The following FANCD2 variants were observed in gnomAD, a reference collection of about 807,000 sequenced individuals.
FANCD2 encodes the protein Fanconi anemia group D2 protein.
A neutral mutation model predicts 192.3 loss-of-function variants in FANCD2; 131 were observed. That is an observed-to-expected ratio of 0.68 (90% confidence interval 0.59 to 0.79). The LOEUF is 0.79. Ranked by LOEUF, FANCD2 falls within the 30% of genes least tolerant of loss-of-function variation. The pLI is 0.00. For synonymous variants in FANCD2, 524 were observed against 612.5 expected, an observed-to-expected ratio of 0.86 and a Z score of 2.13; for missense variants, 1,508 against 1,701.6, an observed-to-expected ratio of 0.89 and a Z score of 2.00.
intron 11 of FANCD2, 138 bp from the exon 12 acceptor site, chr3:10,042,912 A>G: frequency 1.2e-6 from 1 of 843,220 alleles, no homozygotes; most frequent in East Asian, 2.6e-5. Context: ...TATTCTCATA[A>G]CTCTATTTTT....
At chr3:10,044,765 C>T (rs1208460178) in intron 14 of FANCD2, among the ~76,000 whole-genome samples, 1 of 152,158 alleles carries the variant, frequency 6.6e-6, no homozygotes, top group Non-Finnish European at 1.5e-5. Context: ...AGAATTTTTT[C>T]TGGTGAAAAA....
rs112958263 is a variant in FANCD2, at chr3:10,077,717, G to A, written c.2860-364G>A. Among the ~76,000 whole-genome samples the A allele has an allele frequency of 9.4e-3, 1,422 of 151,850 alleles. 29 individuals are homozygous for A. Among genetic ancestry groups the A allele is most frequent in the African/African-American group, 0.032 (1,330 of 41,410 alleles). On this transcript the variant is annotated intron_variant, in intron 29 of 43. Transcript: ENST00000675286. The stretch of plus-strand genomic sequence containing the variant: ...AGCCTGGGCAACAAAGTGAGACCCC[G>A]TCTGTATAAAAAAATTTAAAAATTC...
At chr3:10,060,489 A>G in intron 19 of FANCD2, 86 bp downstream of exon 19, 3 of 1,014,270 alleles carry the variant, frequency 3.0e-6, no homozygotes, top group Non-Finnish European at 4.6e-6. Context: ...TCATTTTAGC[A>G]GTAGAAGTTA....
At chr3:10,041,836 ATC>A (rs1383580539) in intron 10 of FANCD2, 126 bp downstream of exon 10, 7 of 670,390 alleles carry the variant, frequency 1.0e-5, no homozygotes, top group East Asian at 2.8e-5. Flanking sequence ...CACATTTGAT[ATC>A]TCTCTTTTTT....
At chr3:10,059,625 A>G (rs561781834) in intron 18 of FANCD2, among the ~76,000 whole-genome samples, 1 of 151,754 alleles carries the variant, frequency 6.6e-6, no homozygotes, top group African/African-American at 2.4e-5. Context: ...ACATGGTGAA[A>G]CCCCGTCTCT....
At chr3:10,027,617 T>A (rs1310017025) in intron 1 of FANCD2, among the ~76,000 whole-genome samples, 1 of 152,036 alleles carries the variant, frequency 6.6e-6, no homozygotes, top group Admixed American at 6.6e-5. Flanking sequence ...AAAAATCACT[T>A]CTTCAGGCCG....
rs765677370 is a variant in FANCD2 at position 10,078,125 on chromosome 3, G to A, written c.2904G>A (p.Leu968=). 6.2e-7 allele frequency: 1 copy of A among 1,613,802 alleles called. No individual in the cohort carries two copies. The highest frequency in any genetic ancestry group is 1.3e-5 in the African/African-American group (1 of 74,918). Residue 968 remains leucine (L), a synonymous_variant, in exon 30 of 44, where the codon TTG becomes TTA. Coordinates refer to ENST00000675286, the MANE Select transcript of FANCD2 (RefSeq NM_001018115.3). ...TTGGGCCCCCTGAGCTGCTTTTCTT[G>A]CTGGAAGATCTCTCCCAGAAGCTGG... ...VQLGPPELLF[L]LEDLSQKLES...
intron 29 of FANCD2, among the ~76,000 whole-genome samples, chr3:10,076,498 C>T (rs1176161905): frequency 2.0e-5 from 3 of 152,082 alleles, no homozygotes; most frequent in African/African-American, 7.2e-5. Context: ...TATGACAGAG[C>T]ATAATAGCTA....
rs1694160954 is a variant in FANCD2, at chr3:10,085,816, G to A, written c.3229G>A (p.Gly1077Arg). ...QIFHGLFAWSGFSQPENQNLL... is the reference protein window; with the variant it reads ...QIFHGLFAWSRFSQPENQNLL... ...CTCTTACCTTGACTTCCTTAGGAGT[G>A]GATTTTCTCAACCTGAAAATCAGAA... The change falls in exon 33 of 44, where the codon GGA becomes AGA. Residue 1077 changes from glycine to arginine, a missense_variant. Coordinates refer to ENST00000675286, the MANE Select transcript of FANCD2 (RefSeq NM_001018115.3). 3 of 1,608,496 alleles carry A rather than the reference G, an allele frequency of 1.9e-6. No homozygotes were observed. Among genetic ancestry groups the A allele is most frequent in the Middle Eastern group, 1.6e-4 (1 of 6,068 alleles).
chr3:10,077,441 G>T (rs1220994551), intron 29 of FANCD2, among the ~76,000 whole-genome samples: 1 of 152,136 alleles, frequency 6.6e-6, no homozygotes, highest in Non-Finnish European at 1.5e-5. Context: ...TGTAATGCCA[G>T]CTACTTGGGA....
intron 1 of FANCD2, among the ~76,000 whole-genome samples, chr3:10,028,014 A>G (rs954928282): frequency 6.6e-6 from 1 of 150,888 alleles, no homozygotes; most frequent in African/African-American, 2.4e-5. Flanking sequence ...GGAGTTTGAG[A>G]CCAGCCTAGC....
chr3:10,035,838 A>G (rs2086714532), intron 6 of FANCD2, among the ~76,000 whole-genome samples: 1 of 152,052 alleles, frequency 6.6e-6, no homozygotes, highest in African/African-American at 2.4e-5. Flanking sequence ...AAGTTATTTG[A>G]TAATCTTTTA....
intron 30 of FANCD2, among the ~76,000 whole-genome samples, chr3:10,079,056 C>T (rs758322537): frequency 1.4e-4 from 22 of 151,940 alleles, no homozygotes; most frequent in Non-Finnish European, 2.4e-4. Context: ...GCCTGGCCAA[C>T]GTGGCAAGAG....
At chr3:10,050,195 A>T (rs1195833303) in intron 17 of FANCD2, among the ~76,000 whole-genome samples, 1 of 152,172 alleles carries the variant, frequency 6.6e-6, no homozygotes, top group Non-Finnish European at 1.5e-5. Flanking sequence ...AGGCTATATG[A>T]TGGGTGGATT....
intron 17 of FANCD2, 36 bp from the exon 18 acceptor site, chr3:10,052,351 C>T (rs1439157761): frequency 7.8e-7 from 1 of 1,285,560 alleles, no homozygotes; most frequent in African/African-American, 1.5e-5. Context: ...AAAATGTTAG[C>T]TGCTAGCCTC....
intron 3 of FANCD2, among the ~76,000 whole-genome samples, chr3:10,033,815 A>G (rs927223606): frequency 4.5e-5 from 6 of 133,422 alleles, no homozygotes; most frequent in African/African-American, 1.4e-4. Flanking sequence ...ATTCTGCCTC[A>G]GCTTCCCAAG....
intron 9 of FANCD2, chr3:10,040,536 G>T: frequency 2.2e-6 from 1 of 456,658 alleles, no homozygotes; most frequent in Non-Finnish European, 4.4e-6. Flanking sequence ...TGGGTTCCTA[G>T]GTGATTCATT....
At chr3:10,064,039 G>T (rs1331074755) in intron 21 of FANCD2, 128 bp downstream of exon 21, 1 of 1,356,128 alleles carries the variant, frequency 7.4e-7, no homozygotes, top group Non-Finnish European at 1.0e-6. Context: ...ACTGGGAAAG[G>T]CTTTTCTGCC....
chr3:10,086,468 T>C lies in FANCD2; in HGVS notation c.3335+546T>C, dbSNP rs139600289. On this transcript the variant is annotated intron_variant, in intron 33 of 43. Coordinates refer to ENST00000675286, the MANE Select transcript of FANCD2 (RefSeq NM_001018115.3). ...GTCAGCAGTCAGTGCTTATCATCCC[T>C]GTCTATAGGTCAGGACCTTATATCT... is the stretch of plus-strand genomic sequence containing the variant. Among the ~76,000 whole-genome samples, 495 of 152,272 alleles carry C rather than the reference T, an allele frequency of 3.3e-3. 10 individuals carry two copies. The South Asian group carries it at 0.039, about 12-fold the overall frequency.
Sources: allele counts gnomAD v4.1 joint callset (sites outside exome capture counted in the v4.1 genomes callset), GRCh38; gene constraint gnomAD v4.1.1; transcripts MANE v1.5; gene names NCBI Gene and HGNC (gene_info 2026-07-23, HGNC 2026-07-21).